The following ESRRG variants were observed in gnomAD, a reference collection of about 807,000 sequenced individuals.
The protein encoded by ESRRG is estrogen related receptor gamma.
A neutral mutation model predicts 44.0 loss-of-function variants in ESRRG; 13 were observed. The observed-to-expected ratio is 0.30, with a 90% CI of 0.19 to 0.47. ESRRG has a LOEUF of 0.47. Ranked by LOEUF, ESRRG falls within the 20% of genes least tolerant of loss-of-function variation. The probability of loss-of-function intolerance (pLI) is 1.00; values close to 1 mark genes in which losing one functional copy is unlikely to be tolerated. For missense variants in ESRRG, 395 were observed against 580.6 expected, an observed-to-expected ratio of 0.68 and a Z score of 3.29; for synonymous variants, 215 against 214.6, an observed-to-expected ratio of 1.00 and a Z score of -0.02.
intron 2 of ESRRG, among the ~76,000 whole-genome samples, chr1:216,734,525 T>A (rs1376202033): frequency 2.6e-5 from 4 of 152,138 alleles, no homozygotes; most frequent in Non-Finnish European, 5.9e-5. Flanking sequence ...TATCCCACCA[T>A]GTGATATGCC....
intron 2 of ESRRG, among the ~76,000 whole-genome samples, chr1:216,654,686 C>A (rs1574837563): frequency 3.6e-5 from 5 of 138,934 alleles, no homozygotes; most frequent in Non-Finnish European, 3.1e-5. Flanking sequence ...GTAGCTTTGA[C>A]AAAAATGGAA....
At chr1:217,074,336 A>G (rs915620530) in intron 1 of ESRRG, among the ~76,000 whole-genome samples, 3 of 151,332 alleles carry the variant, frequency 2.0e-5, no homozygotes, top group African/African-American at 7.3e-5. Context: ...GGCATGAACC[A>G]CCGCGCCCAG....
At position 216,981,963 on chromosome 1, in the gene ESRRG, T is replaced by C. The variant is rs552385420; in HGVS notation, c.-105-42290A>G. On this transcript the variant is annotated intron_variant, in intron 1 of 7. Coordinates refer to the ESRRG transcript ENST00000359162. ...CTGTGTCTGTGCATCTCGACAGTAA[T>C]GGGAGCTCTCTTTCCATTTGCCATG... Among the ~76,000 whole-genome samples, 74 of 152,338 alleles carry C rather than the reference T, an allele frequency of 4.9e-4. 1 individual carries two copies. The highest frequency in any genetic ancestry group is 1.5e-3 in the African/African-American group (63 of 41,590).
intron 1 of ESRRG, among the ~76,000 whole-genome samples, chr1:217,103,323 T>C (rs1177608438): frequency 1.3e-5 from 2 of 151,024 alleles, no homozygotes; most frequent in African/African-American, 4.9e-5. Flanking sequence ...GCTCAGGGAG[T>C]CTAGACTTCC....
Position 216,976,734 on chromosome 1 carries a change from G to T in ESRRG, c.-105-37061C>A, listed in dbSNP as rs1001776516. On this transcript the variant is annotated intron_variant, in intron 1 of 7. Transcript: ENST00000359162. The stretch of plus-strand genomic sequence containing the variant: ...ATTTTTATTACCCTTCAGTGATGTG[G>T]TTTGTGTTTTGTTTTGTGCTTAAAT... 3.9e-5 allele frequency among the ~76,000 whole-genome samples: 6 copies of T among 152,226 alleles called. No individual in the cohort carries two copies. The South Asian group carries it at 1.2e-3, about 32-fold the overall frequency.
At chr1:216,623,084 T>TC (rs1180601344) in intron 3 of ESRRG, among the ~76,000 whole-genome samples, 2 of 132,258 alleles carry the variant, frequency 1.5e-5, no homozygotes, top group East Asian at 2.1e-4. Context: ...AAACTTTTTT[T>TC]TTTTTTTTTT....
intron 2 of ESRRG, among the ~76,000 whole-genome samples, chr1:216,804,499 C>T (rs915216366): frequency 1.3e-5 from 2 of 152,004 alleles, no homozygotes; most frequent in Non-Finnish European, 2.9e-5. Context: ...ATTTACCTTC[C>T]GAATAAGCCC....
intron 1 of ESRRG, among the ~76,000 whole-genome samples, chr1:216,970,798 A>C (rs1254788045): frequency 6.6e-6 from 1 of 152,186 alleles, no homozygotes; most frequent in Non-Finnish European, 1.5e-5. Flanking sequence ...TCTTCTCAAA[A>C]TCAGGGCAGA....
chr1:216,925,905 G>A lies in ESRRG; in HGVS notation c.-14+13677C>T, dbSNP rs140010408. Among the ~76,000 whole-genome samples the A allele has an allele frequency of 6.3e-3, 951 of 151,652 alleles. 12 individuals are homozygous for A. The highest frequency in any genetic ancestry group is 0.022 in the African/African-American group (904 of 41,320). Reference sequence around the variant, plus strand: ...GTGGAGGTTGCAGTGAGCCAACATCGCACCATGGCACTCCAGCCTGGGCAA... The same window carrying A: ...GTGGAGGTTGCAGTGAGCCAACATCACACCATGGCACTCCAGCCTGGGCAA... On this transcript the variant is annotated intron_variant, in intron 2 of 7. Coordinates refer to the ESRRG transcript ENST00000359162.
At chr1:216,606,650 A>C (rs1339634450) in intron 3 of ESRRG, among the ~76,000 whole-genome samples, 1 of 152,160 alleles carries the variant, frequency 6.6e-6, no homozygotes, top group Non-Finnish European at 1.5e-5. Context: ...AGAAGATTCC[A>C]TAATATTAAT....
At chr1:217,077,110 C>T (rs1320340598) in intron 1 of ESRRG, among the ~76,000 whole-genome samples, 1 of 152,170 alleles carries the variant, frequency 6.6e-6, no homozygotes, top group East Asian at 1.9e-4. Flanking sequence ...TCTCCTGGCT[C>T]ATTTGTATTG....
At chr1:216,579,191 C>G (rs1263116370) in intron 3 of ESRRG, among the ~76,000 whole-genome samples, 1 of 152,040 alleles carries the variant, frequency 6.6e-6, no homozygotes, top group Non-Finnish European at 1.5e-5. Flanking sequence ...TTGATGCACA[C>G]AATATGCATA....
chr1:216,895,068 A>G (rs1577803094), intron 2 of ESRRG, among the ~76,000 whole-genome samples: 3 of 152,192 alleles, frequency 2.0e-5, no homozygotes, highest in Admixed American at 6.5e-5. Context: ...CCCTTGCACC[A>G]TGCCAGAAAT....
chr1:216,863,929 A>AT (rs2096098429), intron 2 of ESRRG: 1 of 151,872 alleles, frequency 6.6e-6, no homozygotes, highest in Non-Finnish European at 1.5e-5. Context: ...CACTCATCAC[A>AT]TTTTTTCTAC....
At chr1:217,121,466 G>A (rs1001561759) in intron 1 of ESRRG, among the ~76,000 whole-genome samples, 4 of 152,178 alleles carry the variant, frequency 2.6e-5, no homozygotes, top group African/African-American at 9.7e-5. Context: ...TGATACTGGA[G>A]ACAGGGTGAC....
intron 2 of ESRRG, among the ~76,000 whole-genome samples, chr1:216,779,297 T>A (rs868677684): frequency 0.019 from 544 of 28,104 alleles, 33 homozygotes; most frequent in African/African-American, 0.07. Context: ...TATATTTATA[T>A]TTATAAACAT....
intron 1 of ESRRG, among the ~76,000 whole-genome samples, chr1:217,012,754 C>T (rs1402965958): frequency 6.6e-6 from 1 of 152,206 alleles, no homozygotes; most frequent in African/African-American, 2.4e-5. Context: ...AGAATCCCTG[C>T]TCCTTTTTTT....
intron 2 of ESRRG, among the ~76,000 whole-genome samples, chr1:216,793,352 T>A (rs976937442): frequency 6.6e-6 from 1 of 152,176 alleles, no homozygotes; most frequent in East Asian, 1.9e-4. Context: ...TGAAGGTATG[T>A]CACTTCTGAG....
At chr1:217,020,770 G>A (rs955021091) in intron 1 of ESRRG, among the ~76,000 whole-genome samples, 10 of 152,076 alleles carry the variant, frequency 6.6e-5, no homozygotes, top group African/African-American at 1.9e-4. Flanking sequence ...CTGGTGACTC[G>A]GTCATGGAAA....
Sources: allele counts gnomAD v4.1 joint callset (sites outside exome capture counted in the v4.1 genomes callset), GRCh38; gene constraint gnomAD v4.1.1; transcripts MANE v1.5; gene names NCBI Gene and HGNC (gene_info 2026-07-23, HGNC 2026-07-21).